The following TRPC1 variants were observed in gnomAD, a reference collection of about 807,000 sequenced individuals.
TRPC1 encodes short transient receptor potential channel 1.
A neutral mutation model predicts 88.2 loss-of-function variants in TRPC1; 42 were observed. The observed-to-expected ratio is 0.48, with a 90% CI of 0.37 to 0.62. The LOEUF is 0.62. Ranked by LOEUF, TRPC1 falls within the 20% of genes least tolerant of loss-of-function variation. TRPC1 has a pLI of 0.00. For synonymous variants in TRPC1, 288 were observed against 331.8 expected (o/e 0.87, Z 1.43); for missense variants, 699 against 957.3 (o/e 0.73, Z 3.56).
chr3:142,740,979 T>C (rs926035104), intron 2 of TRPC1, among the ~76,000 whole-genome samples: 2 of 151,936 alleles, frequency 1.3e-5, no homozygotes, highest in East Asian at 1.9e-4. Flanking sequence ...AGGTGGAAAA[T>C]GTAGCTTTGG....
At chr3:142,745,647 A>C (rs1577955415) in intron 3 of TRPC1, among the ~76,000 whole-genome samples, 3 of 152,346 alleles carry the variant, frequency 2.0e-5, no homozygotes, top group Admixed American at 2.0e-4. Context: ...CTTCTAAAAC[A>C]AAAAAGAAAA....
rs1047650093 is a variant in TRPC1 at position 142,807,363 on chromosome 3, A to G, written c.*1128A>G. 1 of 152,162 alleles carries G rather than the reference A, an allele frequency of 6.6e-6. No individual in the cohort carries two copies. The highest frequency in any genetic ancestry group is 1.5e-5 in the Non-Finnish European group (1 of 68,024). The allele number at this position is 152,162 out of a possible 1,614,324, so 9.4% of individuals were successfully genotyped here. A position where few individuals can be genotyped will look rare whatever the true frequency, so the allele number is the denominator to read the frequency against. ...TTGGTTTTTTAAAATTAGAGAATAA[A>G]ATATGTATTTAAATTTTTGGTGTGT... is the stretch of plus-strand genomic sequence containing the variant. On this transcript the variant is annotated 3_prime_UTR_variant, in exon 13 of 13. Coordinates refer to ENST00000476941, the MANE Select transcript of TRPC1 (RefSeq NM_001251845.2).
intron 1 of TRPC1, among the ~76,000 whole-genome samples, chr3:142,734,266 A>G (rs1027348742): frequency 1.3e-5 from 2 of 152,232 alleles, no homozygotes; most frequent in African/African-American, 2.4e-5. Context: ...ATGATGAGAA[A>G]GTTAAAATAA....
At chr3:142,793,978 T>C in intron 9 of TRPC1, 4 of 772,506 alleles carry the variant, frequency 5.2e-6, no homozygotes, top group Non-Finnish European at 6.3e-6. Context: ...TGGGACACAC[T>C]GTATACTGTA....
At chr3:142,727,117 C>G (rs537796195) in intron 1 of TRPC1, among the ~76,000 whole-genome samples, 1 of 152,282 alleles carries the variant, frequency 6.6e-6, no homozygotes, top group Non-Finnish European at 1.5e-5. Context: ...CATATTTGGA[C>G]TTACTAGTTG....
At chr3:142,749,124 C>T (rs1934660356) in intron 4 of TRPC1, among the ~76,000 whole-genome samples, 1 of 152,180 alleles carries the variant, frequency 6.6e-6, no homozygotes, top group South Asian at 2.1e-4. Flanking sequence ...ACATATATGA[C>T]ATCGGTCCTG....
At chr3:142,790,423 G>A (rs1936259858) in intron 7 of TRPC1, among the ~76,000 whole-genome samples, 2 of 152,044 alleles carry the variant, frequency 1.3e-5, no homozygotes, top group Admixed American at 1.3e-4. Context: ...GCATTTTTTT[G>A]ACATTTGCAC....
chr3:142,751,020 G>T (rs1934744822), intron 4 of TRPC1, among the ~76,000 whole-genome samples: 2 of 152,198 alleles, frequency 1.3e-5, no homozygotes, highest in Admixed American at 6.5e-5. Context: ...ACAGCTGTAT[G>T]TGTTTGTGTT....
Position 142,724,273 on chromosome 3 carries a change from CCCCGGACGGGCGCGGACCGG to C in TRPC1, c.-285_-266del. 1 of 180,232 alleles carries C rather than the reference CCCCGGACGGGCGCGGACCGG, an allele frequency of 5.5e-6. No homozygotes were observed. The highest frequency in any genetic ancestry group is 1.2e-5 in the Non-Finnish European group (1 of 86,612). 11.2% of individuals were successfully genotyped at this position (180,232 alleles called of 1,614,324 possible). On this transcript the variant is annotated 5_prime_UTR_variant, in exon 1 of 13. Transcript: ENST00000476941. This position sits in a 1 kb window ranked among gnomAD's most constrained non-coding sequence, Gnocchi z 5.6. ...GCCCTGGCGCGCGCCACACTGTCGT[CCCCGGACGGGCGCGGACCGG>C]CTCGGCCGGGGCGCCGGCGGCTGGG...
Position 142,794,072 on chromosome 3 carries a change from A to T in TRPC1, c.1581+1105A>T, listed in dbSNP as rs141279337. On this transcript the variant is annotated intron_variant, in intron 9 of 12. Transcript: ENST00000476941. ...GTTTAACCTTGTTCAAATCATCATTACCTAAAGTCATTTAACCTCATACCT... is the reference window on the plus strand; with the variant it reads ...GTTTAACCTTGTTCAAATCATCATTTCCTAAAGTCATTTAACCTCATACCT... The T allele has an allele frequency of 2.3e-5, 4 of 174,270 alleles. No individual in the cohort carries two copies. The East Asian group carries it at 7.6e-4, about 33-fold the overall frequency. The allele number at this position is 174,270 out of a possible 1,614,324, so 10.8% of individuals were successfully genotyped here.
At chr3:142,745,352 G>A (rs1173982355) in intron 3 of TRPC1, among the ~76,000 whole-genome samples, 1 of 152,112 alleles carries the variant, frequency 6.6e-6, no homozygotes, top group East Asian at 1.9e-4. Flanking sequence ...TATCACTAAC[G>A]ATTAAATCTT....
At chr3:142,778,568 T>G (rs1445029876) in intron 5 of TRPC1, among the ~76,000 whole-genome samples, 1 of 152,208 alleles carries the variant, frequency 6.6e-6, no homozygotes, top group Admixed American at 6.5e-5. Flanking sequence ...CCTGTTGCCC[T>G]CTAAAGAAGG....
At chr3:142,729,291 C>G (rs1365001889) in intron 1 of TRPC1, among the ~76,000 whole-genome samples, 1 of 152,156 alleles carries the variant, frequency 6.6e-6, no homozygotes, top group Non-Finnish European at 1.5e-5. Context: ...CACAATCAAA[C>G]TATACTTATC....
intron 7 of TRPC1, among the ~76,000 whole-genome samples, chr3:142,789,641 T>C (rs1936237066): frequency 6.6e-6 from 1 of 152,172 alleles, no homozygotes; most frequent in African/African-American, 2.4e-5. Flanking sequence ...CACTCTATTC[T>C]TTTGTTACTC....
intron 4 of TRPC1, among the ~76,000 whole-genome samples, chr3:142,757,832 G>A (rs2108066794): frequency 6.6e-6 from 1 of 152,084 alleles, no homozygotes; most frequent in East Asian, 1.9e-4. Context: ...AAATTTTTTT[G>A]TGGGTACATA....
At chr3:142,777,892 C>A in intron 5 of TRPC1, 129 bp downstream of exon 5, 8 of 980,100 alleles carry the variant, frequency 8.2e-6, no homozygotes, top group Non-Finnish European at 1.1e-5. Context: ...TTGCCACTTA[C>A]TTGGCAACAG....
Position 142,806,256 on chromosome 3 carries a change from C to T in TRPC1, c.*21C>T, listed in dbSNP as rs904285749. The T allele has an allele frequency of 1.7e-5, 26 of 1,566,824 alleles. No individual in the cohort carries two copies. Among genetic ancestry groups the T allele is most frequent in the East Asian group, 9.1e-5 (4 of 43,942 alleles). The stretch of plus-strand genomic sequence containing the variant: ...ATTAACCATTTTCTAAATCATGGAG[C>T]GAATAATTTTCAATAACAGATCCAA... On this transcript the variant is annotated 3_prime_UTR_variant, in exon 13 of 13. Coordinates refer to ENST00000476941, the MANE Select transcript of TRPC1 (RefSeq NM_001251845.2).
In TRPC1 at chr3:142,787,835, C is replaced by T. The variant is rs565696845; in HGVS notation, c.1297+2795C>T. Among the ~76,000 whole-genome samples the T allele has an allele frequency of 2.6e-5, 4 of 152,240 alleles. No individual in the cohort carries two copies. The East Asian group carries it at 7.7e-4, about 29-fold the overall frequency. On this transcript the variant is annotated intron_variant, in intron 7 of 12. Transcript: ENST00000476941. Reference sequence around the variant, plus strand: ...CCCTAGTCAGGGAGGTTGGGAAAGACACGTTGAGGAAGTAATAAGTGAGCT... The same window carrying T: ...CCCTAGTCAGGGAGGTTGGGAAAGATACGTTGAGGAAGTAATAAGTGAGCT...
At chr3:142,733,486 C>T (rs755093771) in intron 1 of TRPC1, among the ~76,000 whole-genome samples, 20 of 152,114 alleles carry the variant, frequency 1.3e-4, no homozygotes, top group Non-Finnish European at 2.8e-4. Flanking sequence ...ACTCCTCCAG[C>T]CTGGGTGACA....
Sources: gnomAD v4.1 joint callset for allele counts (sites outside exome capture counted in the v4.1 genomes callset) on GRCh38, gnomAD v4.1.1 for gene constraint, Gnocchi (gnomAD v3.1) non-coding constraint, MANE v1.5 for transcripts, NCBI Gene and HGNC (gene_info 2026-07-23, HGNC 2026-07-21) for gene names.